The following KCNMB2 variants were observed in gnomAD, a reference collection of about 807,000 sequenced individuals.
KCNMB2 encodes the protein calcium-activated potassium channel subunit beta-2.
A neutral mutation model predicts 24.5 loss-of-function variants in KCNMB2; 9 were observed. That is an observed-to-expected ratio of 0.37 (90% CI 0.22 to 0.64). The LOEUF is 0.64. KCNMB2 is among the 30% of genes least tolerant of loss of function. The pLI is 0.63. For synonymous variants in KCNMB2, 109 were observed against 104.4 expected (o/e 1.04, Z -0.27); for missense variants, 226 against 284.3 (o/e 0.79, Z 1.47).
At chr3:178,684,203 G>A (rs1263339582) in intron 1 of KCNMB2, among the ~76,000 whole-genome samples, 5 of 151,858 alleles carry the variant, frequency 3.3e-5, no homozygotes, top group Non-Finnish European at 7.4e-5. Flanking sequence ...GCCACCACAT[G>A]GATAAGTCTG....
chr3:178,756,562 C>G (rs1269345830), intron 1 of KCNMB2, among the ~76,000 whole-genome samples: 2 of 151,922 alleles, frequency 1.3e-5, no homozygotes, highest in African/African-American at 2.4e-5. Flanking sequence ...TTTTCCTGAA[C>G]CTGGGTAAAA....
At chr3:178,681,534 T>C (rs973621228) in intron 1 of KCNMB2, among the ~76,000 whole-genome samples, 1 of 152,216 alleles carries the variant, frequency 6.6e-6, no homozygotes, top group African/African-American at 2.4e-5. Flanking sequence ...ATTTAGACTT[T>C]GGTTCTTACA....
chr3:178,726,744 G>T (rs1216975098), intron 1 of KCNMB2, among the ~76,000 whole-genome samples: 1 of 151,952 alleles, frequency 6.6e-6, no homozygotes, highest in Non-Finnish European at 1.5e-5. Context: ...CACTTGCCCT[G>T]AAGATTTCAA....
intron 1 of KCNMB2, among the ~76,000 whole-genome samples, chr3:178,614,343 A>ATATATG (rs1553821442): frequency 3.0e-5 from 4 of 134,792 alleles, no homozygotes; most frequent in African/African-American, 1.1e-4. Context: ...GTATATATAT[A>ATATATG]TATGTATATA....
At chr3:178,713,369 G>A (rs1722514808) in intron 1 of KCNMB2, among the ~76,000 whole-genome samples, 1 of 152,150 alleles carries the variant, frequency 6.6e-6, no homozygotes, top group African/African-American at 2.4e-5. Flanking sequence ...TGTAAAGCTG[G>A]TCCACATGAA....
rs77897549 is a variant in KCNMB2 at position 178,761,581 on chromosome 3, A to T, written c.-67-45762A>T. The stretch of plus-strand genomic sequence containing the variant: ...TTGTCATTTTGCCTTTTCGTGCCCA[A>T]TATAGATCAACTGTGCCACTGATCA... On this transcript the variant is annotated intron_variant, in intron 1 of 4. Coordinates refer to ENST00000452583, the MANE Select transcript of KCNMB2 (RefSeq NM_181361.3). 5.1e-3 allele frequency among the ~76,000 whole-genome samples: 770 copies of T among 152,280 alleles called. 3 individuals are homozygous for T. The highest frequency in any genetic ancestry group is 8.9e-3 in the Non-Finnish European group (602 of 68,022).
At chr3:178,763,070 T>C (rs1711973731) in intron 1 of KCNMB2, among the ~76,000 whole-genome samples, 1 of 152,134 alleles carries the variant, frequency 6.6e-6, no homozygotes, top group East Asian at 1.9e-4. Context: ...TGAGGTCATC[T>C]AGGAAGGAAG....
chr3:178,686,987 T>G (rs574597545), intron 1 of KCNMB2, among the ~76,000 whole-genome samples: 1 of 152,266 alleles, frequency 6.6e-6, no homozygotes, highest in South Asian at 2.1e-4. Flanking sequence ...ATCTCTATAT[T>G]GAATCTATGA....
chr3:178,842,428 A>T (rs967833635), intron 4 of KCNMB2, among the ~76,000 whole-genome samples: 4 of 152,206 alleles, frequency 2.6e-5, no homozygotes, highest in Non-Finnish European at 5.9e-5. Flanking sequence ...TCAATAAATA[A>T]TATATGGGTG....
chr3:178,813,872 A>G (rs58544816), intron 2 of KCNMB2, among the ~76,000 whole-genome samples: 79,322 of 151,686 alleles, frequency 0.52, 23,335 homozygotes, highest in African/African-American at 0.82. Flanking sequence ...GAATTGACCA[A>G]TATGAAGATA....
At chr3:178,767,897 T>C (rs79706188) in intron 1 of KCNMB2, among the ~76,000 whole-genome samples, 21,321 of 152,232 alleles carry the variant, frequency 0.14, 1,848 homozygotes, top group Admixed American at 0.18. Context: ...ACACACTCCA[T>C]ACTGGGCCAA....
At chr3:178,731,833 G>T (rs772607981) in intron 1 of KCNMB2, among the ~76,000 whole-genome samples, 41 of 152,200 alleles carry the variant, frequency 2.7e-4, no homozygotes, top group Non-Finnish European at 5.6e-4. Context: ...ATCCCGTGGG[G>T]CAGAGTTTGC....
chr3:178,637,187 C>T (rs1051837420), intron 1 of KCNMB2, among the ~76,000 whole-genome samples: 6 of 152,096 alleles, frequency 3.9e-5, no homozygotes, highest in Admixed American at 6.5e-5. Context: ...ATCTTTATAA[C>T]AGAATGATTT....
At chr3:178,601,303 C>G (rs1266031717) in intron 1 of KCNMB2, among the ~76,000 whole-genome samples, 1 of 151,898 alleles carries the variant, frequency 6.6e-6, no homozygotes, top group Non-Finnish European at 1.5e-5. Flanking sequence ...ATGCAATAAA[C>G]CTGCACGCTC....
At chr3:178,810,284 T>A (rs1008403188) in intron 2 of KCNMB2, among the ~76,000 whole-genome samples, 4 of 152,236 alleles carry the variant, frequency 2.6e-5, no homozygotes, top group African/African-American at 9.6e-5. Flanking sequence ...CTTCTTGTTC[T>A]GCAAACCTGG....
intron 1 of KCNMB2, among the ~76,000 whole-genome samples, chr3:178,747,348 C>T (rs1723705165): frequency 6.6e-6 from 1 of 152,196 alleles, no homozygotes. Flanking sequence ...AATTACCTCC[C>T]ACTGGGTCCC....
At chr3:178,758,630 A>C (rs550011621) in intron 1 of KCNMB2, among the ~76,000 whole-genome samples, 376 of 13,098 alleles carry the variant, frequency 0.029, 90 homozygotes, top group African/African-American at 0.089. Flanking sequence ...ATATATATAT[A>C]TCTCTCTCTC....
intron 1 of KCNMB2, among the ~76,000 whole-genome samples, chr3:178,755,308 T>C (rs892102521): frequency 6.6e-6 from 1 of 152,236 alleles, no homozygotes; most frequent in African/African-American, 2.4e-5. Flanking sequence ...ACACTTACTG[T>C]ACAGTTTCAT....
At chr3:178,686,134 A>C (rs959911064) in intron 1 of KCNMB2, among the ~76,000 whole-genome samples, 4 of 152,290 alleles carry the variant, frequency 2.6e-5, no homozygotes, top group Middle Eastern at 3.4e-3. Context: ...TAGGATGAGA[A>C]ATATGTTTTT....
Sources: gnomAD v4.1 joint callset for allele counts (sites outside exome capture counted in the v4.1 genomes callset) on GRCh38, gnomAD v4.1.1 for gene constraint, MANE v1.5 for transcripts, NCBI Gene and HGNC (gene_info 2026-07-23, HGNC 2026-07-21) for gene names.